The following GRK3 variants were observed in gnomAD, a reference collection of about 807,000 sequenced individuals.
GRK3 encodes adrenergic, beta, receptor kinase 2.
A neutral mutation model predicts 95.7 loss-of-function variants in GRK3; 54 were observed. The ratio of observed to expected loss-of-function variants is 0.56; its 90% CI spans 0.45 to 0.71. The LOEUF is 0.71. Among genes scored for constraint, GRK3 ranks in the 30% least tolerant of loss-of-function variants. GRK3 has a pLI of 0.00. For missense variants in GRK3, 649 were observed against 851.2 expected, an observed-to-expected ratio of 0.76 and a Z score of 2.96; for synonymous variants, 281 against 290.8, an observed-to-expected ratio of 0.97 and a Z score of 0.34.
At chr22:25,600,689 C>G (rs1293162255) in intron 1 of GRK3, among the ~76,000 whole-genome samples, 1 of 152,092 alleles carries the variant, frequency 6.6e-6, no homozygotes, top group African/African-American at 2.4e-5. Flanking sequence ...ACTTGAGCAT[C>G]CTAGGATTTT....
At chr22:25,686,232 A>C (rs1007840163) in intron 10 of GRK3, among the ~76,000 whole-genome samples, 1 of 151,902 alleles carries the variant, frequency 6.6e-6, no homozygotes, top group Non-Finnish European at 1.5e-5. Context: ...AAAAAAAAAA[A>C]ACAAAAAACA....
At chr22:25,705,755 TC>T (rs2085294987) in intron 15 of GRK3, among the ~76,000 whole-genome samples, 1 of 152,184 alleles carries the variant, frequency 6.6e-6, no homozygotes, top group African/African-American at 2.4e-5. Flanking sequence ...ACCCAACACT[TC>T]CCTTTCCAGT....
chr22:25,658,865 G>A (rs1475501797), intron 3 of GRK3, among the ~76,000 whole-genome samples: 1 of 152,022 alleles, frequency 6.6e-6, no homozygotes, highest in African/African-American at 2.4e-5. Flanking sequence ...AAGAAGACTG[G>A]GAGAGGAGCC....
chr22:25,582,019 G>T (rs1932116771), intron 1 of GRK3, among the ~76,000 whole-genome samples: 1 of 152,168 alleles, frequency 6.6e-6, no homozygotes, highest in African/African-American at 2.4e-5. Flanking sequence ...GCGGTGGCCT[G>T]TAATCCCAGC....
intron 1 of GRK3, among the ~76,000 whole-genome samples, chr22:25,598,428 T>G (rs756978313): frequency 6.6e-6 from 1 of 152,012 alleles, no homozygotes; most frequent in Non-Finnish European, 1.5e-5. Context: ...TCCCAGCACT[T>G]TGGGAGTCTG....
chr22:25,597,042 T>C (rs1001091376), intron 1 of GRK3, among the ~76,000 whole-genome samples: 5 of 152,194 alleles, frequency 3.3e-5, no homozygotes, highest in Non-Finnish European at 7.3e-5. Flanking sequence ...GAATTACACA[T>C]TACACACTTC....
intron 3 of GRK3, among the ~76,000 whole-genome samples, chr22:25,646,181 C>G (rs981111140): frequency 6.6e-6 from 1 of 152,030 alleles, no homozygotes; most frequent in Non-Finnish European, 1.5e-5. Flanking sequence ...GCAATAAAAG[C>G]AGGCCAGCAG....
intron 2 of GRK3, among the ~76,000 whole-genome samples, chr22:25,623,977 A>G (rs2084607540): frequency 6.6e-6 from 1 of 152,152 alleles, no homozygotes. Flanking sequence ...TCCAATCTCC[A>G]GCTCTTTTCC....
chr22:25,602,703 A>C (rs13054045), intron 1 of GRK3, among the ~76,000 whole-genome samples: 1 of 152,326 alleles, frequency 6.6e-6, no homozygotes, highest in Non-Finnish European at 1.5e-5. Flanking sequence ...GCCAGACACA[A>C]CAGACAACAT....
Position 25,726,815 on chromosome 22 carries a change from A to C in GRK3, c.*4365A>C, listed in dbSNP as rs1477820430. 6.6e-6 allele frequency: 1 copy of C among 151,970 alleles called. No homozygotes were observed. The highest frequency in any genetic ancestry group is 2.4e-5 in the African/African-American group (1 of 41,326). The allele number at this position is 151,970 out of a possible 1,614,324, so 9.4% of individuals were successfully genotyped here. On this transcript the variant is annotated 3_prime_UTR_variant, in exon 21 of 21. Transcript: ENST00000324198. ...ATTTGCTGCCTATCAGGACTTTCTG[A>C]AGAAGTTCTTTTGCCTCTGCCTACC...
chr22:25,647,235 G>T, intron 3 of GRK3: 1 of 503,574 alleles, frequency 2.0e-6, no homozygotes, highest in South Asian at 2.4e-5. Context: ...CGACTCATGA[G>T]AGCACAGCCA....
At chr22:25,678,413 C>T (rs1424056002) in intron 8 of GRK3, among the ~76,000 whole-genome samples, 1 of 152,080 alleles carries the variant, frequency 6.6e-6, no homozygotes, top group African/African-American at 2.4e-5. Context: ...TGGATCGTGC[C>T]ACTGCACTCC....
intron 15 of GRK3, 29 bp downstream of exon 15, chr22:25,704,238 C>T (rs1178577270): frequency 6.5e-7 from 1 of 1,546,380 alleles, no homozygotes; most frequent in Non-Finnish European, 8.9e-7. Context: ...CTTTCGGTAT[C>T]TTTACCAGAA....
intron 1 of GRK3, among the ~76,000 whole-genome samples, chr22:25,579,910 A>C (rs1404664119): frequency 6.6e-6 from 1 of 152,236 alleles, no homozygotes; most frequent in Non-Finnish European, 1.5e-5. Context: ...TCGCTAAATG[A>C]AAGATTGATG....
chr22:25,629,790 A>G (rs758516352), intron 2 of GRK3, among the ~76,000 whole-genome samples: 1 of 152,218 alleles, frequency 6.6e-6, no homozygotes, highest in Non-Finnish European at 1.5e-5. Flanking sequence ...TGTGAGTAGC[A>G]TGAAGGATGA....
intron 3 of GRK3, chr22:25,648,718 A>C: frequency 9.3e-7 from 1 of 1,071,948 alleles, no homozygotes; most frequent in Non-Finnish European, 1.5e-6. Context: ...AAGCTTCCAC[A>C]AATGGTTGAT....
At chr22:25,651,737 A>G (rs1951102124) in intron 3 of GRK3, among the ~76,000 whole-genome samples, 1 of 152,258 alleles carries the variant, frequency 6.6e-6, no homozygotes, top group Admixed American at 6.5e-5. Context: ...AGTTCCTTAT[A>G]TAATAACAAT....
chr22:25,623,389 GCT>G (rs2084601665), intron 2 of GRK3, among the ~76,000 whole-genome samples: 1 of 152,190 alleles, frequency 6.6e-6, no homozygotes, highest in Non-Finnish European at 1.5e-5. Context: ...GGCTTGTGCT[GCT>G]CTCTGTCTCC....
rs1021675435 is a variant in GRK3 at position 25,711,148 on chromosome 22, T to C, written c.1476T>C (p.Asp492=). ...ATATTGGCTCATTTGATGAAGAGGATACCAAAGGGATTAAGGTACACATGT... is the reference window on the plus strand; with the variant it reads ...ATATTGGCTCATTTGATGAAGAGGACACCAAAGGGATTAAGGTACACATGT... ...AFDIGSFDEE[D]TKGIKLLDCD... Residue 492 remains aspartate (D), a synonymous_variant, in exon 17 of 21, where the codon GAT becomes GAC. Transcript: ENST00000324198. 28 of 1,608,988 alleles carry C rather than the reference T, an allele frequency of 1.7e-5. No individual in the cohort carries two copies. Among genetic ancestry groups the C allele is most frequent in the East Asian group, 4.5e-5 (2 of 44,844 alleles).
Sources: allele counts gnomAD v4.1 joint callset (sites outside exome capture counted in the v4.1 genomes callset), GRCh38; gene constraint gnomAD v4.1.1; transcripts MANE v1.5; gene names NCBI Gene and HGNC (gene_info 2026-07-23, HGNC 2026-07-21).